PTER: variants seen among roughly 807,000 people sequenced by gnomAD.
The protein encoded by PTER is phosphotriesterase related, also known as N-acetyltaurine hydrolase.
PTER carries 38 observed loss-of-function variants against 29.6 expected under a neutral mutation model. The observed-to-expected ratio is 1.28, with a 90% CI of 0.99 to 1.68. The LOEUF is 1.68. Ranked by LOEUF, PTER falls within the 40% of genes most tolerant of loss-of-function variation. The pLI is 0.00. For synonymous variants in PTER, 172 were observed against 154.5 expected (o/e 1.11, Z -0.84); for missense variants, 482 against 427.8 (o/e 1.13, Z -1.12).
rs772786572 is a variant in PTER at position 16,461,431 on chromosome 10, CAGTT to C, written c.-48-22903_-48-22900del. On this transcript the variant is annotated intron_variant, in intron 1 of 4. Transcript: ENST00000535784. ...CTTTTTCGCTAGAGAATTTAGAATT[CAGTT>C]AGAGTATTTTCTCAGCCATCTCAAA... Among the ~76,000 whole-genome samples the C allele has an allele frequency of 3.0e-4, 45 of 152,010 alleles. 1 individual carries two copies. Among genetic ancestry groups the C allele is most frequent in the Non-Finnish European group, 5.3e-4 (36 of 67,974 alleles).
Position 16,486,389 on chromosome 10 carries a change from C to T in PTER, c.470C>T (p.Ala157Val). The T allele has an allele frequency of 6.2e-7, 1 of 1,613,912 alleles. No individual in the cohort carries two copies. Among genetic ancestry groups the T allele is most frequent in the African/African-American group, 1.3e-5 (1 of 75,022 alleles). ...CTTATGAATGAAATTCTCCATGGAGCTGATGGAACCAGTATCAAGTGTGGC... is the reference window on the plus strand; with the variant it reads ...CTTATGAATGAAATTCTCCATGGAGTTGATGGAACCAGTATCAAGTGTGGC... ...DVLMNEILHG[A>V]DGTSIKCGII... Residue 157 changes from alanine (A) to valine (V), a missense_variant, in exon 3 of 5, where the codon GCT becomes GTT. Physicochemically the swap from Ala to Val is moderately conservative, Grantham distance 64 (BLOSUM62 0). Coordinates refer to ENST00000535784, the MANE Select transcript of PTER (RefSeq NM_001261836.2).
chr10:16,469,291 G>A (rs925401668), intron 1 of PTER, among the ~76,000 whole-genome samples: 6 of 152,090 alleles, frequency 3.9e-5, no homozygotes, highest in African/African-American at 9.7e-5. Flanking sequence ...GTGCAGAGTG[G>A]GTTCATAGGG....
chr10:16,501,846 T>TTTCCCAG (rs1392637251), intron 3 of PTER, among the ~76,000 whole-genome samples: 2 of 152,210 alleles, frequency 1.3e-5, no homozygotes, highest in African/African-American at 4.8e-5. Context: ...CAAGTCCCAG[T>TTTCCCAG]TTCTCAGTCT....
intron 1 of PTER, among the ~76,000 whole-genome samples, chr10:16,464,970 G>A (rs548518309): frequency 2.7e-4 from 41 of 152,266 alleles, no homozygotes; most frequent in African/African-American, 9.6e-4. Flanking sequence ...AACTCGTGCA[G>A]GGGAATTCCT....
chr10:16,481,111 A>C (rs923990612), intron 1 of PTER, among the ~76,000 whole-genome samples: 1 of 152,154 alleles, frequency 6.6e-6, no homozygotes, highest in Non-Finnish European at 1.5e-5. Context: ...CAGTCCTCAG[A>C]TTGTTCAAAT....
At chr10:16,502,655 C>T (rs10466288) in intron 3 of PTER, among the ~76,000 whole-genome samples, 1 of 151,690 alleles carries the variant, frequency 6.6e-6, no homozygotes, top group Admixed American at 6.6e-5. Context: ...TTCCCGCACC[C>T]GTGGCACAGG....
chr10:16,457,928 C>T (rs1834471832), intron 1 of PTER, among the ~76,000 whole-genome samples: 1 of 152,138 alleles, frequency 6.6e-6, no homozygotes, highest in East Asian at 1.9e-4. Flanking sequence ...TTTTGTTTAT[C>T]ATAAGTGTAT....
intron 3 of PTER, among the ~76,000 whole-genome samples, chr10:16,498,299 G>A (rs763659240): frequency 1.3e-5 from 2 of 152,164 alleles, no homozygotes; most frequent in African/African-American, 4.8e-5. Context: ...ATGGCCAGGC[G>A]CAGTGTCTCA....
At chr10:16,452,172 T>G (rs1202873542) in intron 1 of PTER, among the ~76,000 whole-genome samples, 1 of 132,670 alleles carries the variant, frequency 7.5e-6, no homozygotes, top group Admixed American at 8.2e-5. Context: ...TCACCTAAAA[T>G]CAGTTTGAAC....
chr10:16,488,723 C>T (rs186143844), intron 3 of PTER, among the ~76,000 whole-genome samples: 1 of 152,204 alleles, frequency 6.6e-6, no homozygotes, highest in Admixed American at 6.5e-5. Flanking sequence ...CCAACCTCAG[C>T]CTCCCAAGAA....
chr10:16,489,662 A>T (rs1202998035), intron 3 of PTER, among the ~76,000 whole-genome samples: 1 of 152,130 alleles, frequency 6.6e-6, no homozygotes, highest in African/African-American at 2.4e-5. Context: ...ATAACATAAA[A>T]TTTATCATCT....
chr10:16,445,659 T>C (rs983796025), intron 1 of PTER, among the ~76,000 whole-genome samples: 2 of 152,112 alleles, frequency 1.3e-5, no homozygotes, highest in Admixed American at 6.6e-5. Flanking sequence ...ACAAATCCGG[T>C]GAACACAGAA....
chr10:16,457,217 T>C (rs1280237180), intron 1 of PTER, among the ~76,000 whole-genome samples: 2 of 152,002 alleles, frequency 1.3e-5, no homozygotes, highest in Non-Finnish European at 2.9e-5. Context: ...TGTTTGTTTG[T>C]TTGTTTGTTT....
chr10:16,453,162 G>T (rs7086317), intron 1 of PTER, among the ~76,000 whole-genome samples: 95,231 of 151,930 alleles, frequency 0.63, 30,996 homozygotes, highest in East Asian at 0.8. Context: ...GTGATTCTTC[G>T]GCCTCAGCCT....
At chr10:16,449,432 T>TTC (rs1554786292) in intron 1 of PTER, among the ~76,000 whole-genome samples, 2 of 142,346 alleles carry the variant, frequency 1.4e-5, no homozygotes, top group East Asian at 2.0e-4. Context: ...AATTTTCTTT[T>TTC]TTTTTTTTTT....
rs542897794 is a variant in PTER, at chr10:16,504,530, A to G, written c.699-490A>G. 1.9e-3 allele frequency among the ~76,000 whole-genome samples: 290 copies of G among 152,312 alleles called. 2 individuals are homozygous for G. Among genetic ancestry groups the G allele is most frequent in the African/African-American group, 6.5e-3 (270 of 41,570 alleles). ...ATTTTAGAACCACTTTACAATCTTC[A>G]CAAGAAAATCACCCTGCTACCACAA... On this transcript the variant is annotated intron_variant, in intron 3 of 4. Coordinates refer to ENST00000535784, the MANE Select transcript of PTER (RefSeq NM_001261836.2).
At chr10:16,516,225 G>A (rs1405732635), downstream of PTER, among the ~76,000 whole-genome samples, 1 of 152,112 alleles carries the variant, frequency 6.6e-6, no homozygotes, top group African/African-American at 2.4e-5. Context: ...AATTATGCTT[G>A]GAAGCACTGA....
At chr10:16,462,978 G>A (rs1834674419) in intron 1 of PTER, among the ~76,000 whole-genome samples, 1 of 151,796 alleles carries the variant, frequency 6.6e-6, no homozygotes, top group Non-Finnish European at 1.5e-5. Flanking sequence ...CAAATCACAA[G>A]GTCAGGAGAT....
rs191260515 is a variant in PTER, at chr10:16,498,475, C to G, written c.699-6545C>G. 2.0e-5 allele frequency among the ~76,000 whole-genome samples: 3 copies of G among 152,172 alleles called. No individual in the cohort carries two copies. The East Asian group carries it at 5.8e-4, about 29-fold the overall frequency. The stretch of plus-strand genomic sequence containing the variant: ...GTGGGCACTTGTAATCCCAGCTACT[C>G]GGGAGGCTGAGGCAGGAGAATCGCT... On this transcript the variant is annotated intron_variant, in intron 3 of 4. Transcript: ENST00000535784.
Sources: allele counts gnomAD v4.1 joint callset (sites outside exome capture counted in the v4.1 genomes callset), GRCh38; gene constraint gnomAD v4.1.1; transcripts MANE v1.5; gene names NCBI Gene and HGNC (gene_info 2026-07-23, HGNC 2026-07-21).